The following CUX1 variants were observed in gnomAD, a reference collection of about 807,000 sequenced individuals.
CUX1 encodes protein CASP.
Under a neutral mutation model 158.8 loss-of-function variants are expected in CUX1, and 31 were observed. The ratio of observed to expected loss-of-function variants is 0.20; its 90% CI spans 0.15 to 0.26. The LOEUF is 0.26. Among genes scored for constraint, CUX1 ranks in the 10% least tolerant of loss-of-function variants. The probability of loss-of-function intolerance (pLI) is 1.00; values close to 1 mark genes in which losing one functional copy is unlikely to be tolerated. For missense variants in CUX1, 1,589 were observed against 2,014.6 expected (o/e 0.79, Z 4.04); for synonymous variants, 879 against 862.1 (o/e 1.02, Z -0.34).
At chr7:102,222,381 T>G (rs1301590445) in intron 20 of CUX1, among the ~76,000 whole-genome samples, 1 of 151,870 alleles carries the variant, frequency 6.6e-6, no homozygotes, top group Non-Finnish European at 1.5e-5. Context: ...AAGGTCGAGG[T>G]TTTCCCCTCC....
At chr7:101,981,777 A>T (rs1813478531) in intron 2 of CUX1, among the ~76,000 whole-genome samples, 1 of 152,022 alleles carries the variant, frequency 6.6e-6, no homozygotes, top group African/African-American at 2.4e-5. Flanking sequence ...CGCCCAGCTA[A>T]TGTTTGTATT....
intron 1 of CUX1, among the ~76,000 whole-genome samples, chr7:101,850,943 A>T (rs1005068781): frequency 6.6e-6 from 1 of 152,084 alleles, no homozygotes; most frequent in East Asian, 1.9e-4. Context: ...TACCAAAATA[A>T]TTAAAAATAA....
intron 14 of CUX1, among the ~76,000 whole-genome samples, chr7:102,271,885 G>A (rs889233330): frequency 2.0e-5 from 3 of 152,174 alleles, no homozygotes; most frequent in Admixed American, 6.6e-5. Context: ...AACTGGGCAC[G>A]GTGGCAGGCG....
intron 10 of CUX1, among the ~76,000 whole-genome samples, chr7:102,177,893 GT>G (rs35750202): frequency 0.52 from 78,251 of 151,288 alleles, 22,117 homozygotes; most frequent in African/African-American, 0.74. Flanking sequence ...CTTTTCTCCT[GT>G]TTTTTTTTGT....
chr7:101,980,346 A>G (rs1204971731), intron 2 of CUX1, among the ~76,000 whole-genome samples: 1 of 152,056 alleles, frequency 6.6e-6, no homozygotes, highest in Non-Finnish European at 1.5e-5. Context: ...TTTCTCCAAA[A>G]AAAATGTTTA....
chr7:101,928,982 T>C (rs925709750), intron 2 of CUX1, among the ~76,000 whole-genome samples: 6 of 151,864 alleles, frequency 4.0e-5, no homozygotes, highest in Non-Finnish European at 7.4e-5. Flanking sequence ...AAATGGACTT[T>C]AAAGTTATAA....
chr7:102,147,977 A>AAAATAAAT (rs545897009), intron 8 of CUX1, among the ~76,000 whole-genome samples: 2 of 152,142 alleles, frequency 1.3e-5, no homozygotes, highest in African/African-American at 2.4e-5. Flanking sequence ...CTCCGTCTCA[A>AAAATAAAT]AAATAAATAA....
intron 1 of CUX1, among the ~76,000 whole-genome samples, chr7:101,843,176 T>A (rs1050783840): frequency 3.9e-5 from 6 of 151,950 alleles, no homozygotes; most frequent in Non-Finnish European, 5.9e-5. Flanking sequence ...TATTCTCCTA[T>A]TTTTTTTGTT....
In CUX1 at chr7:102,197,025, G is replaced by A; in HGVS notation, c.1614G>A (p.Gln538=). The part of the protein sequence containing the change: ...DVNGMAPSPS[Q]SESAGSVSEG... ...ATGGCATGGCCCCATCCCCCAGCCA[G>A]TCAGAAAGTGCTGGGAGCGTCTCCG... is the stretch of plus-strand genomic sequence containing the variant. Residue 538 remains glutamine (Q), a synonymous_variant, in exon 15 of 24, where the codon CAG becomes CAA. Coordinates refer to ENST00000292535, the MANE Select transcript of CUX1 (RefSeq NM_181552.4). 1 of 1,614,248 alleles carries A rather than the reference G, an allele frequency of 6.2e-7. No homozygotes were observed. The highest frequency in any genetic ancestry group is 1.1e-5 in the South Asian group (1 of 91,086).
intron 4 of CUX1, among the ~76,000 whole-genome samples, chr7:102,087,603 A>G (rs1482703254): frequency 6.6e-6 from 1 of 152,132 alleles, no homozygotes; most frequent in African/African-American, 2.4e-5. Context: ...AAAAGTAACC[A>G]TCTTTAACTT....
intron 2 of CUX1, among the ~76,000 whole-genome samples, chr7:101,981,339 T>C (rs1813418792): frequency 6.6e-6 from 1 of 152,212 alleles, no homozygotes; most frequent in Admixed American, 6.5e-5. Flanking sequence ...AAAACATGTC[T>C]TCTTTTTTGT....
chr7:102,197,556 A>G (rs1467291888), intron 15 of CUX1, among the ~76,000 whole-genome samples: 3 of 152,188 alleles, frequency 2.0e-5, no homozygotes, highest in Admixed American at 6.5e-5. Context: ...TAGTATTTCA[A>G]TACTAGAGAT....
chr7:101,972,461 T>G lies in CUX1; in HGVS notation c.142-55637T>G, dbSNP rs557006538. On this transcript the variant is annotated intron_variant, in intron 2 of 23. Transcript: ENST00000292535. ...CGGACGGCATCTGACCTGGCTAGGT[T>G]GCGGGGATCTGTTGGAGAGAGAAGC... 1.3e-3 allele frequency among the ~76,000 whole-genome samples: 197 copies of G among 152,312 alleles called. 2 individuals carry two copies. The highest frequency in any genetic ancestry group is 4.6e-3 in the African/African-American group (192 of 41,584).
Position 101,869,168 on chromosome 7 carries a change from G to T in CUX1, c.31-46947G>T, listed in dbSNP as rs1798223661. On this transcript the variant is annotated intron_variant, in intron 1 of 23. Transcript: ENST00000292535. The surrounding 1 kb of genome is among the most constrained non-coding windows in gnomAD (Gnocchi z 4.5). ...CACCTGGGATGTGGGAATGGCTGGT[G>T]GGGGCAGGTAGGGGGAGACCAGGAT... Among the ~76,000 whole-genome samples the T allele has an allele frequency of 6.6e-6, 1 of 152,146 alleles. No homozygotes were observed. The highest frequency in any genetic ancestry group is 2.4e-5 in the African/African-American group (1 of 41,442).
intron 8 of CUX1, among the ~76,000 whole-genome samples, chr7:102,128,371 C>T (rs1449810039): frequency 6.6e-6 from 1 of 152,066 alleles, no homozygotes; most frequent in Non-Finnish European, 1.5e-5. Flanking sequence ...CCACAAAGCC[C>T]CTCCCTCGGC....
intron 2 of CUX1, among the ~76,000 whole-genome samples, chr7:101,949,732 T>C (rs1440888755): frequency 6.6e-6 from 1 of 151,980 alleles, no homozygotes; most frequent in Non-Finnish European, 1.5e-5. Flanking sequence ...AGTTTTGCCA[T>C]GTTGCCCAGG....
intron 2 of CUX1, among the ~76,000 whole-genome samples, chr7:101,955,040 G>T (rs1809587877): frequency 6.6e-6 from 1 of 152,030 alleles, no homozygotes; most frequent in African/African-American, 2.4e-5. Flanking sequence ...GCCTGGTGGT[G>T]CACACCTGTA....
chr7:102,182,270 A>AGG (rs1554514199), intron 11 of CUX1, among the ~76,000 whole-genome samples: 1 of 152,214 alleles, frequency 6.6e-6, no homozygotes, highest in Non-Finnish European at 1.5e-5. Flanking sequence ...TCCCATAAGC[A>AGG]GAAGGCTTAT....
At chr7:102,061,363 C>A (rs896443933) in intron 3 of CUX1, among the ~76,000 whole-genome samples, 3 of 152,168 alleles carry the variant, frequency 2.0e-5, no homozygotes, top group African/African-American at 7.2e-5. Flanking sequence ...CCCCAGTGCG[C>A]AATGCTGGAT....
Sources: allele counts gnomAD v4.1 joint callset (sites outside exome capture counted in the v4.1 genomes callset), GRCh38; gene constraint gnomAD v4.1.1; non-coding constraint Gnocchi (gnomAD v3.1); transcripts MANE v1.5; gene names NCBI Gene and HGNC (gene_info 2026-07-23, HGNC 2026-07-21).